Variants in SLC9A3 observed in about 807,000 individuals in gnomAD.
SLC9A3 encodes the protein solute carrier family 9 member A3.
SLC9A3 carries 37 observed loss-of-function variants against 86.8 expected under a neutral mutation model. The ratio of observed to expected loss-of-function variants is 0.43; its 90% CI spans 0.33 to 0.56. The LOEUF (loss-of-function observed/expected upper bound fraction) is 0.56, where lower values mean the gene tolerates loss of function less well. SLC9A3 is among the 20% of genes least tolerant of loss of function. The pLI, the probability that SLC9A3 is intolerant of heterozygous loss-of-function variation, is 0.06. For synonymous variants in SLC9A3, 581 were observed against 528.3 expected, an observed-to-expected ratio of 1.10 and a Z score of -1.37; for missense variants, 1,011 against 1,171.9, an observed-to-expected ratio of 0.86 and a Z score of 2.00.
chr5:483,540 G>T (rs564782308), intron 5 of SLC9A3, 58 bp from the exon 6 acceptor site: 5 of 1,257,708 alleles, frequency 4.0e-6, no homozygotes, highest in Non-Finnish European at 4.5e-6. Flanking sequence ...CGAGGCCCCC[G>T]TGTCCGCCCA....
chr5:476,636 C>G lies in SLC9A3; in HGVS notation c.1797G>C (p.Gln599His), dbSNP rs1461283334. 6.2e-7 allele frequency: 1 copy of G among 1,608,492 alleles called. No homozygotes were observed. The highest frequency in any genetic ancestry group is 1.3e-5 in the African/African-American group (1 of 75,062). ...TGCTCCGCCGTCGCTGCTCCAGAGACTGCATGTCCAGGCAGACAGCGCTGA... is the reference window on the plus strand; with the variant it reads ...TGCTCCGCCGTCGCTGCTCCAGAGAGTGCATGTCCAGGCAGACAGCGCTGA... ...ENVSAVCLDM[Q>H]SLEQRRRSIR... Residue 599 changes from glutamine (Q) to histidine (H), a missense_variant, in exon 12 of 17, where the codon CAG becomes CAC. Transcript: ENST00000264938.
chr5:475,112 A>T lies in SLC9A3; in HGVS notation c.2272T>A (p.Ser758Thr), dbSNP rs1285866184. 1 of 1,602,634 alleles carries T rather than the reference A, an allele frequency of 6.2e-7. No individual in the cohort carries two copies. The highest frequency in any genetic ancestry group is 1.3e-5 in the African/African-American group (1 of 74,486). Residue 758 changes from serine (S) to threonine (T), a missense_variant, in exon 16 of 17, where the codon TCT becomes ACT. By Grantham distance (58) the Ser-to-Thr change is moderately conservative. Around this residue, in one of 3 missense-constraint regions of SLC9A3, gnomAD observed 397 missense variants for 346.3 expected, o/e 1.15. Coordinates refer to ENST00000264938, the MANE Select transcript of SLC9A3 (RefSeq NM_004174.4). The part of the protein sequence containing the change: ...SPAGIDNPVF[S>T]PDEALDRSLL... ...CTGCGGTCCAGGGCCTCGTCCGGAG[A>T]AAACACAGGGTTGTCAATTCCTAGG...
At chr5:504,805 G>A (rs908974879) in intron 1 of SLC9A3, among the ~76,000 whole-genome samples, 1 of 152,198 alleles carries the variant, frequency 6.6e-6, no homozygotes, top group African/African-American at 2.4e-5. Context: ...ATGGGGGCCG[G>A]GCCAGAGGCT....
intron 1 of SLC9A3, 70 bp downstream of exon 1, chr5:524,042 G>A (rs1733961911): frequency 9.2e-7 from 1 of 1,087,154 alleles, no homozygotes; most frequent in Non-Finnish European, 1.2e-6. Flanking sequence ...CGGCCACAAC[G>A]AAGCCCCCAG....
chr5:502,298 G>A (rs1300202132), intron 1 of SLC9A3, among the ~76,000 whole-genome samples: 2 of 151,794 alleles, frequency 1.3e-5, no homozygotes, highest in East Asian at 1.9e-4. Flanking sequence ...CCCCAGAGAC[G>A]GCCCAGGCCC....
intron 11 of SLC9A3, 131 bp from the exon 12 acceptor site, chr5:476,803 A>G (rs1235689998): frequency 1.8e-6 from 2 of 1,114,874 alleles, no homozygotes; most frequent in Admixed American, 2.1e-5. Context: ...CATGGTGGGC[A>G]CCCGGCTGGG....
chr5:503,842 C>G (rs1740417879), intron 1 of SLC9A3, among the ~76,000 whole-genome samples: 1 of 152,240 alleles, frequency 6.6e-6, no homozygotes, highest in Admixed American at 6.5e-5. Context: ...GAAATCTCAT[C>G]CACGGCTGTG....
Position 483,659 on chromosome 5 carries a change from C to T in SLC9A3, c.933-177G>A, listed in dbSNP as rs535193317. ...GCCAGGGTTCCTGCCCACAGCCCTGCGGGGGCCACAGGCGGCATCACCGTC... is the reference window on the plus strand; with the variant it reads ...GCCAGGGTTCCTGCCCACAGCCCTGTGGGGGCCACAGGCGGCATCACCGTC... On this transcript the variant is annotated intron_variant, in intron 5 of 16. Coordinates refer to ENST00000264938, the MANE Select transcript of SLC9A3 (RefSeq NM_004174.4). Among the ~76,000 whole-genome samples the T allele has an allele frequency of 2.0e-4, 30 of 152,328 alleles. 1 individual carries two copies. In the South Asian group the frequency reaches 4.6e-3, roughly 23 times the overall value.
At chr5:476,816 A>T in intron 11 of SLC9A3, 144 bp from the exon 12 acceptor site, 1 of 1,003,354 alleles carries the variant, frequency 1.0e-6, no homozygotes, top group South Asian at 1.5e-5. Context: ...CGGCTGGGGC[A>T]CGGGGACATC....
intron 6 of SLC9A3, among the ~76,000 whole-genome samples, 176 bp from the exon 7 acceptor site, chr5:482,926 G>T (rs1739283879): frequency 6.6e-6 from 1 of 151,308 alleles, no homozygotes; most frequent in Admixed American, 6.6e-5. Flanking sequence ...GCCACACGCG[G>T]CCTGGCGTCT....
intron 1 of SLC9A3, among the ~76,000 whole-genome samples, chr5:514,931 T>G (rs1733679685): frequency 6.6e-6 from 1 of 152,092 alleles, no homozygotes; most frequent in South Asian, 2.1e-4. Flanking sequence ...AAGGGGACCC[T>G]GGCTCTGTCC....
chr5:515,352 G>A (rs1376318323), intron 1 of SLC9A3, among the ~76,000 whole-genome samples: 1 of 152,042 alleles, frequency 6.6e-6, no homozygotes, highest in Non-Finnish European at 1.5e-5. Context: ...TGCACACACG[G>A]GAACCCCTTG....
In SLC9A3 at chr5:470,915, T is replaced by G. The variant is rs1396730754; in HGVS notation, c.*2464A>C. ...TTACAAGTTTTCCTAAGGAAATACA[T>G]TCATAAGACTGTTTACCTTCTGTTT... is the stretch of plus-strand genomic sequence containing the variant. On this transcript the variant is annotated 3_prime_UTR_variant, in exon 17 of 17. Coordinates refer to ENST00000264938, the MANE Select transcript of SLC9A3 (RefSeq NM_004174.4). 2 of 152,378 alleles carry G rather than the reference T, an allele frequency of 1.3e-5. No homozygotes were observed. The highest frequency in any genetic ancestry group is 2.1e-4 in the South Asian group (1 of 4,830). The allele number at this position is 152,378 out of a possible 1,614,324, so 9.4% of individuals were successfully genotyped here.
chr5:509,168 G>A (rs1388286676), intron 1 of SLC9A3, among the ~76,000 whole-genome samples: 1 of 150,880 alleles, frequency 6.6e-6, no homozygotes, highest in East Asian at 2.0e-4. Flanking sequence ...AAAATGTAGG[G>A]CCAGGCACAG....
intron 9 of SLC9A3, chr5:480,927 G>C (rs1445316017): frequency 6.6e-6 from 1 of 152,282 alleles, no homozygotes; most frequent in African/African-American, 2.4e-5. Flanking sequence ...GTCTCGCTCT[G>C]TCACCAGGCT....
chr5:475,210 T>C, intron 15 of SLC9A3, 78 bp from the exon 16 acceptor site: 3 of 1,451,616 alleles, frequency 2.1e-6, no homozygotes, highest in Non-Finnish European at 2.8e-6. Flanking sequence ...GGCCGTCACC[T>C]GCTGGGTGCC....
rs941040978 is a variant in SLC9A3, at chr5:483,513, C to T, written c.933-31G>A. On this transcript the variant is annotated intron_variant, in intron 5 of 16. Transcript: ENST00000264938. ...GGGACAGACGCGCCTCAGGACACGG[C>T]CACCTGGCCTGGCGCCCGAGGCCCC... The T allele has an allele frequency of 5.3e-6, 8 of 1,504,032 alleles. No individual in the cohort carries two copies. The East Asian group carries it at 9.8e-5, about 18-fold the overall frequency. The allele number at this position is 1,504,032 out of a possible 1,614,324, so 93.2% of individuals were successfully genotyped here. A position where few individuals can be genotyped will look rare whatever the true frequency, so the allele number is the denominator to read the frequency against.
chr5:489,271 T>C (rs1190474883), intron 2 of SLC9A3, among the ~76,000 whole-genome samples: 1 of 151,278 alleles, frequency 6.6e-6, no homozygotes, highest in Non-Finnish European at 1.5e-5. Flanking sequence ...GCCGTGAGGG[T>C]CCAGGGACCA....
chr5:488,603 C>G, intron 2 of SLC9A3, 127 bp from the exon 3 acceptor site: 1 of 943,688 alleles, frequency 1.1e-6, no homozygotes, highest in Non-Finnish European at 1.5e-6. Flanking sequence ...GCGTGGGGAG[C>G]TGGGTCAGCT....
Sources: gnomAD v4.1 joint callset for allele counts (sites outside exome capture counted in the v4.1 genomes callset) on GRCh38, gnomAD v4.1.1 for gene constraint, gnomAD v4.1.1 regional missense constraint, MANE v1.5 for transcripts, NCBI Gene and HGNC (gene_info 2026-07-23, HGNC 2026-07-21) for gene names.